Variants in PIEZO2 observed in about 807,000 individuals in gnomAD.
PIEZO2 encodes piezo-type mechanosensitive ion channel component 2.
In PIEZO2, 172 loss-of-function variants were observed where a neutral mutation model predicts 337.3. The observed-to-expected ratio is 0.51, with a 90% CI of 0.45 to 0.58. PIEZO2 has a LOEUF of 0.58. Among genes scored for constraint, PIEZO2 ranks in the 20% least tolerant of loss-of-function variants. The pLI, the probability that PIEZO2 is intolerant of heterozygous loss-of-function variation, is 0.00. For synonymous variants in PIEZO2, 1,251 were observed against 1,228.5 expected (o/e 1.02, Z -0.38); for missense variants, 3,028 against 3,391.3 (o/e 0.89, Z 2.66).
chr18:11,147,628 G>C (rs1395514234), intron 1 of PIEZO2, among the ~76,000 whole-genome samples: 1 of 152,266 alleles, frequency 6.6e-6, no homozygotes, highest in East Asian at 1.9e-4. Flanking sequence ...TCTTGTTGGT[G>C]AGAGGGAGAG....
Position 11,110,802 on chromosome 18 carries a change from G to GTATT in PIEZO2, c.64+37719_64+37722dup, listed in dbSNP as rs2039708365. Among the ~76,000 whole-genome samples, 1 of 150,300 alleles carries GTATT rather than the reference G, an allele frequency of 6.7e-6. No individual in the cohort carries two copies. The highest frequency in any genetic ancestry group is 2.1e-4 in the South Asian group (1 of 4,674). On this transcript the variant is annotated intron_variant, in intron 1 of 55. Coordinates refer to ENST00000674853, the MANE Select transcript of PIEZO2 (RefSeq NM_001378183.1). The surrounding 1 kb of genome is among the most constrained non-coding windows in gnomAD (Gnocchi z 4.2). Reference sequence around the variant, plus strand: ...GTGTGCGTTTCCTTTGGAACACACAGTATTGACCAGCACAGTGTTTTAAAC... The same window carrying GTATT: ...GTGTGCGTTTCCTTTGGAACACACAGTATTTATTGACCAGCACAGTGTTTTAAAC...
At chr18:10,882,506 TACA>T (rs2042449533) in intron 4 of PIEZO2, among the ~76,000 whole-genome samples, 1 of 152,254 alleles carries the variant, frequency 6.6e-6, no homozygotes, top group African/African-American at 2.4e-5. Context: ...CTTCGTTTTA[TACA>T]ATTACATTCA....
intron 3 of PIEZO2, among the ~76,000 whole-genome samples, chr18:10,919,687 A>G (rs1025925561): frequency 7.2e-5 from 11 of 152,150 alleles, no homozygotes; most frequent in Non-Finnish European, 7.4e-5. Context: ...ATTACTCTCA[A>G]AAGAAACATG....
In PIEZO2 at chr18:11,101,788, A is replaced by G. The variant is rs551025653; in HGVS notation, c.65-35566T>C. Among the ~76,000 whole-genome samples the G allele has an allele frequency of 6.6e-6, 1 of 152,194 alleles. No individual in the cohort carries two copies. The highest frequency in any genetic ancestry group is 1.5e-5 in the Non-Finnish European group (1 of 68,036). On this transcript the variant is annotated intron_variant, in intron 1 of 55. Transcript: ENST00000674853. This position sits in a 1 kb window ranked among gnomAD's most constrained non-coding sequence, Gnocchi z 4.4. Reference sequence around the variant, plus strand: ...ATAAATATCCTGAGGAAAAATGTAGACCCCGACCAGGCAGAAGGCCTCGGC... The same window carrying G: ...ATAAATATCCTGAGGAAAAATGTAGGCCCCGACCAGGCAGAAGGCCTCGGC...
Position 10,682,841 on chromosome 18 carries a change from T to G in PIEZO2, c.7498-549A>C, listed in dbSNP as rs908444042. On this transcript the variant is annotated intron_variant, in intron 49 of 55. Coordinates refer to ENST00000674853, the MANE Select transcript of PIEZO2 (RefSeq NM_001378183.1). The surrounding 1 kb of genome is among the most constrained non-coding windows in gnomAD (Gnocchi z 5.6). ...GATTAGAAGAGCCCCCTCTGGGCAC[T>G]GGCTGTAGGGAGTGGGGAGAGGGCA... is the stretch of plus-strand genomic sequence containing the variant. Among the ~76,000 whole-genome samples the G allele has an allele frequency of 6.6e-6, 1 of 152,148 alleles. No homozygotes were observed.
Position 11,109,595 on chromosome 18 carries a change from G to A in PIEZO2, c.64+38930C>T, listed in dbSNP as rs1033698410. Among the ~76,000 whole-genome samples, 1 of 152,152 alleles carries A rather than the reference G, an allele frequency of 6.6e-6. No individual in the cohort carries two copies. The highest frequency in any genetic ancestry group is 1.5e-5 in the Non-Finnish European group (1 of 68,034). On this transcript the variant is annotated intron_variant, in intron 1 of 55. Coordinates refer to ENST00000674853, the MANE Select transcript of PIEZO2 (RefSeq NM_001378183.1). This position sits in a 1 kb window ranked among gnomAD's most constrained non-coding sequence, Gnocchi z 5.1. ...TAGCCGGGCATGGTGGCATGCACCTGTAATCCCAGCTACACCGGAGGCTGA... is the reference window on the plus strand; with the variant it reads ...TAGCCGGGCATGGTGGCATGCACCTATAATCCCAGCTACACCGGAGGCTGA...
intron 24 of PIEZO2, 116 bp downstream of exon 24, chr18:10,760,795 G>A (rs1247338063): frequency 1.2e-6 from 1 of 837,038 alleles, no homozygotes; most frequent in East Asian, 2.7e-5. Flanking sequence ...TCTTCTCAAG[G>A]GGACAGCTAT....
At position 10,872,266 on chromosome 18, in the gene PIEZO2, T is replaced by C. The variant is rs937666555; in HGVS notation, c.330-851A>G. Among the ~76,000 whole-genome samples the C allele has an allele frequency of 7.9e-5, 12 of 152,156 alleles. No homozygotes were observed. The highest frequency in any genetic ancestry group is 1.6e-4 in the Non-Finnish European group (11 of 68,030). On this transcript the variant is annotated intron_variant, in intron 4 of 55. Transcript: ENST00000674853. The surrounding 1 kb of genome is among the most constrained non-coding windows in gnomAD (Gnocchi z 4.3). ...CACATATAGGGCATTTTTGTTATAATTGAGATCCTGAAACAAATATATTTA... is the reference window on the plus strand; with the variant it reads ...CACATATAGGGCATTTTTGTTATAACTGAGATCCTGAAACAAATATATTTA...
chr18:10,681,812 T>C, intron 50 of PIEZO2, 59 bp from the exon 51 acceptor site: 1 of 1,400,310 alleles, frequency 7.1e-7, no homozygotes, highest in East Asian at 2.3e-5. Flanking sequence ...GCATCCTGAG[T>C]CAAAAGAAAA....
intron 3 of PIEZO2, among the ~76,000 whole-genome samples, chr18:10,926,279 C>A (rs992113538): frequency 3.3e-5 from 5 of 152,158 alleles, no homozygotes; most frequent in Non-Finnish European, 5.9e-5. Context: ...CCACATTCAG[C>A]GGCGTCACGT....
intron 1 of PIEZO2, among the ~76,000 whole-genome samples, chr18:11,130,154 G>T (rs1336292189): frequency 6.6e-6 from 1 of 152,234 alleles, no homozygotes; most frequent in Non-Finnish European, 1.5e-5. Context: ...TGCAGAGGTG[G>T]TGATTCCCAC....
intron 1 of PIEZO2, among the ~76,000 whole-genome samples, chr18:11,100,755 CT>C (rs567020917): frequency 2.6e-5 from 4 of 152,146 alleles, no homozygotes; most frequent in Non-Finnish European, 5.9e-5. Flanking sequence ...GCCACCACGC[CT>C]GGCTAATTTT....
Position 10,701,980 on chromosome 18 carries a change from A to T in PIEZO2, c.6441+9T>A. On this transcript the variant is annotated intron_variant, in intron 43 of 55. Coordinates refer to ENST00000674853, the MANE Select transcript of PIEZO2 (RefSeq NM_001378183.1). ...CAACTTGAACTGATTAATTGTTAAC[A>T]TGCAGTACCTTCAAAATTGATCGAT... 6.6e-7 allele frequency: 1 copy of T among 1,521,390 alleles called. No homozygotes were observed. Among genetic ancestry groups the T allele is most frequent in the Non-Finnish European group, 8.8e-7 (1 of 1,141,970 alleles). 94.2% of individuals were successfully genotyped at this position (1,521,390 alleles called of 1,614,324 possible).
At chr18:10,920,884 C>G (rs1317764074) in intron 3 of PIEZO2, among the ~76,000 whole-genome samples, 1 of 152,058 alleles carries the variant, frequency 6.6e-6, no homozygotes, top group East Asian at 1.9e-4. Flanking sequence ...GAAACACTGT[C>G]TCTACTAAAA....
chr18:11,071,306 C>CT (rs1446123832), intron 1 of PIEZO2, among the ~76,000 whole-genome samples: 8 of 152,216 alleles, frequency 5.3e-5, no homozygotes, highest in African/African-American at 1.9e-4. Context: ...TTTCCAGCTG[C>CT]TTTTTCTCTC....
rs1003684755 is a variant in PIEZO2, at chr18:10,940,791, G to A, written c.287-29563C>T. ...GCAGAAGAATCGCTTGAACCCGGGA[G>A]GCAGAGGTTGCAGTGAGCTGAGATC... is the stretch of plus-strand genomic sequence containing the variant. On this transcript the variant is annotated intron_variant, in intron 3 of 55. Coordinates refer to ENST00000674853, the MANE Select transcript of PIEZO2 (RefSeq NM_001378183.1). The surrounding 1 kb of genome is among the most constrained non-coding windows in gnomAD (Gnocchi z 5.3). Among the ~76,000 whole-genome samples, 4 of 152,136 alleles carry A rather than the reference G, an allele frequency of 2.6e-5. No individual in the cohort carries two copies. The highest frequency in any genetic ancestry group is 4.4e-5 in the Non-Finnish European group (3 of 68,028).
At chr18:10,886,087 A>C (rs2042570475) in intron 4 of PIEZO2, among the ~76,000 whole-genome samples, 1 of 151,520 alleles carries the variant, frequency 6.6e-6, no homozygotes. Context: ...AGACAAAATC[A>C]CTAACACACA....
Position 10,882,069 on chromosome 18 carries a change from G to A in PIEZO2, c.330-10654C>T, listed in dbSNP as rs575947584. Among the ~76,000 whole-genome samples the A allele has an allele frequency of 2.6e-5, 4 of 152,236 alleles. No individual in the cohort carries two copies. The South Asian group carries it at 6.2e-4, about 24-fold the overall frequency. ...CGTATCCTAATCAAAACTAATGTGT[G>A]CCTTCTTAACTTGTTGAGGGCAATA... On this transcript the variant is annotated intron_variant, in intron 4 of 55. Coordinates refer to ENST00000674853, the MANE Select transcript of PIEZO2 (RefSeq NM_001378183.1).
At chr18:11,065,246 C>CTCTTT (rs1307858432) in intron 2 of PIEZO2, among the ~76,000 whole-genome samples, 1 of 152,182 alleles carries the variant, frequency 6.6e-6, no homozygotes, top group African/African-American at 2.4e-5. Context: ...TGATCACTAA[C>CTCTTT]AAGGAAATCA....
Sources: allele counts gnomAD v4.1 joint callset (sites outside exome capture counted in the v4.1 genomes callset), GRCh38; gene constraint gnomAD v4.1.1; non-coding constraint Gnocchi (gnomAD v3.1); transcripts MANE v1.5; gene names NCBI Gene and HGNC (gene_info 2026-07-23, HGNC 2026-07-21).